The following HSD11B1 variants were observed in gnomAD, a reference collection of about 807,000 sequenced individuals.
The protein encoded by HSD11B1 is 11-beta-hydroxysteroid dehydrogenase 1.
Under a neutral mutation model 22.1 loss-of-function variants are expected in HSD11B1, and 15 were observed. The ratio of observed to expected loss-of-function variants is 0.68; its 90% CI spans 0.45 to 1.04. The LOEUF (loss-of-function observed/expected upper bound fraction) is 1.04. Among genes scored for constraint, HSD11B1 ranks in the 50% least tolerant of loss-of-function variants. HSD11B1 has a pLI of 0.00. For missense variants in HSD11B1, 281 were observed against 357.6 expected, an observed-to-expected ratio of 0.79 and a Z score of 1.73; for synonymous variants, 122 against 125.2, an observed-to-expected ratio of 0.97 and a Z score of 0.17.
At chr1:209,695,538 C>T (rs892113201) in intron 1 of HSD11B1, among the ~76,000 whole-genome samples, 18 of 152,254 alleles carry the variant, frequency 1.2e-4, no homozygotes, top group Middle Eastern at 3.4e-3. Flanking sequence ...TGGCTGGGTG[C>T]GGTGGCTCAC....
intron 4 of HSD11B1, among the ~76,000 whole-genome samples, chr1:209,710,061 G>A (rs963797870): frequency 1.3e-5 from 2 of 151,954 alleles, no homozygotes; most frequent in African/African-American, 2.4e-5. Flanking sequence ...CAGTGGGGTA[G>A]GAGAAAGAAT....
intron 4 of HSD11B1, among the ~76,000 whole-genome samples, chr1:209,712,656 A>G (rs537648498): frequency 1.7e-4 from 26 of 152,314 alleles, no homozygotes; most frequent in Non-Finnish European, 3.1e-4. Flanking sequence ...CATGATTCTT[A>G]TATTCATTTA....
chr1:209,698,927 C>T (rs776027189), intron 1 of HSD11B1, among the ~76,000 whole-genome samples: 6 of 152,270 alleles, frequency 3.9e-5, no homozygotes, highest in South Asian at 2.1e-4. Flanking sequence ...ACAAGCTACA[C>T]GTGCCAGGCA....
At chr1:209,730,414 T>C (rs1435972385) in intron 4 of HSD11B1, among the ~76,000 whole-genome samples, 1 of 152,218 alleles carries the variant, frequency 6.6e-6, no homozygotes, top group East Asian at 1.9e-4. Context: ...ATGTAAAAGT[T>C]GCATGCCACC....
Position 209,704,956 on chromosome 1 carries a change from A to G in HSD11B1, c.14A>G (p.Lys5Arg). The G allele has an allele frequency of 6.2e-7, 1 of 1,613,826 alleles. No individual in the cohort carries two copies. The highest frequency in any genetic ancestry group is 8.5e-7 in the Non-Finnish European group (1 of 1,179,788). ...GCTCCCTGTCGGATGGCTTTTATGA[A>G]AAAATATCTCCTCCCCATTCTGGGG... MAFM[K>R]KYLLPILGLF... is the part of the protein sequence containing the mutation. The change falls in exon 1 of 6, where the codon AAA becomes AGA. Residue 5 changes from lysine (K) to arginine (R), a missense_variant. Lys to Arg is a conservative substitution (Grantham distance 26). Transcript: ENST00000367027.
At chr1:209,709,937 A>AACACAC (rs71143893) in intron 4 of HSD11B1, among the ~76,000 whole-genome samples, 3,742 of 143,844 alleles carry the variant, frequency 0.026, 141 homozygotes, top group African/African-American at 0.085. Context: ...CCACATGTGA[A>AACACAC]ACACACACAC....
At chr1:209,704,488 T>G (rs774321904), upstream of HSD11B1, among the ~76,000 whole-genome samples, 1 of 152,106 alleles carries the variant, frequency 6.6e-6, no homozygotes, top group East Asian at 1.9e-4. Flanking sequence ...AGATTTGGCT[T>G]GAGTTTGGCT....
intron 4 of HSD11B1, among the ~76,000 whole-genome samples, chr1:209,708,573 C>T (rs1387853998): frequency 6.6e-6 from 1 of 152,188 alleles, no homozygotes; most frequent in East Asian, 1.9e-4. Flanking sequence ...CAGATGCATA[C>T]TGAGTGGGAG....
At chr1:209,705,661 C>T (rs949615627) in intron 1 of HSD11B1, 150 bp from the exon 2 acceptor site, 32 of 942,972 alleles carry the variant, frequency 3.4e-5, no homozygotes, top group Non-Finnish European at 5.0e-5. Context: ...TGGCCTGTTC[C>T]CACAGTGATT....
upstream of HSD11B1, among the ~76,000 whole-genome samples, chr1:209,700,519 G>C (rs1205510157): frequency 6.6e-6 from 1 of 152,158 alleles, no homozygotes; most frequent in African/African-American, 2.4e-5. Flanking sequence ...TTCCTCCTAG[G>C]CTCCAGGCCT....
At chr1:209,703,814 TG>T (rs1261022366), upstream of HSD11B1, among the ~76,000 whole-genome samples, 2 of 152,232 alleles carry the variant, frequency 1.3e-5, no homozygotes, top group African/African-American at 4.8e-5. Flanking sequence ...TGCATTGTGA[TG>T]GGGTAATTTC....
At chr1:209,709,721 A>G (rs1438052763) in intron 4 of HSD11B1, among the ~76,000 whole-genome samples, 1 of 152,188 alleles carries the variant, frequency 6.6e-6, no homozygotes, top group Non-Finnish European at 1.5e-5. Context: ...AAAAAGAAGG[A>G]TACCACCTGG....
chr1:209,716,740 C>T (rs1022583988), intron 4 of HSD11B1, among the ~76,000 whole-genome samples: 1 of 151,996 alleles, frequency 6.6e-6, no homozygotes, highest in Non-Finnish European at 1.5e-5. Flanking sequence ...ATAGAGAACC[C>T]AGAAATAAAC....
intron 4 of HSD11B1, among the ~76,000 whole-genome samples, chr1:209,726,597 C>CA (rs371174486): frequency 1.6e-3 from 235 of 148,164 alleles, no homozygotes; most frequent in Middle Eastern, 7.1e-3. Flanking sequence ...CTAACAACAA[C>CA]AAAAAAAAAA....
In HSD11B1 at chr1:209,729,363, AACACACACACACACACAC is replaced by A. The variant is rs34574844; in HGVS notation, c.518-3059_518-3042del. 4.8e-5 allele frequency among the ~76,000 whole-genome samples: 7 copies of A among 146,438 alleles called. No homozygotes were observed. The South Asian group carries it at 1.5e-3, about 32-fold the overall frequency. On this transcript the variant is annotated intron_variant, in intron 4 of 5. Coordinates refer to ENST00000367027, the MANE Select transcript of HSD11B1 (RefSeq NM_005525.4). ...AACAGAGCAAGACTCTGCCTCGGAA[AACACACACACACACACAC>A]ACACACACACACAAGTAAGTTAAAA... is the stretch of plus-strand genomic sequence containing the variant.
At position 209,706,388 on chromosome 1, in the gene HSD11B1, T is replaced by A. The variant is rs1443045589; in HGVS notation, c.220-321T>A. On this transcript the variant is annotated intron_variant, in intron 2 of 5. Coordinates refer to ENST00000367027, the MANE Select transcript of HSD11B1 (RefSeq NM_005525.4). The surrounding 1 kb of genome is among the most constrained non-coding windows in gnomAD (Gnocchi z 4.0). ...GTACAAACATTCACAAACCTAGAGC[T>A]ACCCACATAGTAACCAGCATCTACA... 6.6e-6 allele frequency among the ~76,000 whole-genome samples: 1 copy of A among 152,134 alleles called. No homozygotes were observed. The highest frequency in any genetic ancestry group is 1.5e-5 in the Non-Finnish European group (1 of 68,024).
chr1:209,702,804 T>C (rs2102366202), upstream of HSD11B1, among the ~76,000 whole-genome samples: 1 of 152,366 alleles, frequency 6.6e-6, no homozygotes, highest in Admixed American at 6.5e-5. Flanking sequence ...GACCAAAAAT[T>C]TGAGAACTGG....
In HSD11B1 at chr1:209,697,884, CTTTTTTTTTTTTTTT is replaced by C. The variant is rs988076432; in HGVS notation, c.-48-6995_-48-6981del. Among the ~76,000 whole-genome samples, 94 of 41,614 alleles carry C rather than the reference CTTTTTTTTTTTTTTT, an allele frequency of 2.3e-3. 2 individuals carry two copies. The highest frequency in any genetic ancestry group is 6.2e-3 in the African/African-American group (78 of 12,566). 27.3% of individuals were successfully genotyped at this position (41,614 alleles called of 152,430 possible). ...GAATGATTAATGGTTTTGTTTTTTC[CTTTTTTTTTTTTTTT>C]TTTTTTTTTTTTTTTGAGATGAGGG... On this transcript the variant is annotated intron_variant, in intron 1 of 6. Coordinates refer to the HSD11B1 transcript ENST00000261465.
At chr1:209,688,351 T>G (rs1278695363) in intron 1 of HSD11B1, among the ~76,000 whole-genome samples, 2 of 152,144 alleles carry the variant, frequency 1.3e-5, no homozygotes, top group Non-Finnish European at 2.9e-5. Context: ...GTCCCTTCTC[T>G]ACTTCAACAG....
Sources: gnomAD v4.1 joint callset for allele counts (sites outside exome capture counted in the v4.1 genomes callset) on GRCh38, gnomAD v4.1.1 for gene constraint, Gnocchi (gnomAD v3.1) non-coding constraint, MANE v1.5 for transcripts, NCBI Gene and HGNC (gene_info 2026-07-23, HGNC 2026-07-21) for gene names.